NBPF12: variants seen among roughly 807,000 people sequenced by gnomAD.
The protein encoded by NBPF12 is NBPF family member NBPF12.
NBPF12 carries 115 observed loss-of-function variants against 146.4 expected under a neutral mutation model. That is an observed-to-expected ratio of 0.79 (90% CI 0.68 to 0.92). NBPF12 has a LOEUF of 0.92. Among genes scored for constraint, NBPF12 ranks in the 40% least tolerant of loss-of-function variants. The pLI, the probability that NBPF12 is intolerant of heterozygous loss-of-function variation, is 0.00. For missense variants in NBPF12, 1,205 were observed against 1,326.8 expected (o/e 0.91, Z 1.43); for synonymous variants, 385 against 508.9 (o/e 0.76, Z 3.28).
intron 4 of NBPF12, among the ~76,000 whole-genome samples, chr1:146,961,001 A>G (rs1164573162): frequency 6.6e-6 from 1 of 152,162 alleles, no homozygotes; most frequent in East Asian, 1.9e-4. Flanking sequence ...CAAAAAGTAG[A>G]TGGGCGTCGT....
chr1:146,963,813 A>G (rs1292094696), intron 6 of NBPF12, among the ~76,000 whole-genome samples: 94 of 145,680 alleles, frequency 6.5e-4, no homozygotes, highest in South Asian at 2.1e-3. Flanking sequence ...GCCCCTCTCC[A>G]TGTGGTGTTG....
intron 31 of NBPF12, among the ~76,000 whole-genome samples, 200 bp from the exon 35 acceptor site, chr1:146,992,512 G>A (rs1368744736): frequency 2.6e-5 from 3 of 114,642 alleles, no homozygotes; most frequent in Non-Finnish European, 3.5e-5. Flanking sequence ...GTGTGTGTGT[G>A]TCTATCTGTC....
intron 7 of NBPF12, 146 bp downstream of exon 10, chr1:146,964,575 G>A (rs1288048621): frequency 3.7e-6 from 5 of 1,343,430 alleles, no homozygotes; most frequent in Non-Finnish European, 4.3e-6. Flanking sequence ...TAGACACAGG[G>A]TGCGACAGCT....
chr1:146,944,690 GTCTC>G (rs1310788092), upstream of NBPF12, among the ~76,000 whole-genome samples: 1 of 151,408 alleles, frequency 6.6e-6, no homozygotes, highest in Non-Finnish European at 1.5e-5. Flanking sequence ...ACAGTAGTGC[GTCTC>G]TCTCTAATAA....
chr1:146,988,652 G>C (rs113248891), intron 26 of NBPF12, among the ~76,000 whole-genome samples, 189 bp from the exon 30 acceptor site: 18 of 151,418 alleles, frequency 1.2e-4, no homozygotes, highest in Non-Finnish European at 1.2e-4. Context: ...ATTTTACCCA[G>C]AGTTTCTGGG....
At chr1:146,956,620 C>T (rs1159959757) in intron 2 of NBPF12, among the ~76,000 whole-genome samples, 10 of 151,976 alleles carry the variant, frequency 6.6e-5, no homozygotes, top group African/African-American at 2.4e-4. Context: ...ACATGCTTAA[C>T]AACACATGCA....
rs1410023191 is a variant in NBPF12 at position 146,979,257 on chromosome 1, T to C, written c.2450+247T>C. Among the ~76,000 whole-genome samples the C allele has an allele frequency of 5.1e-5, 3 of 58,492 alleles. 1 individual carries two copies. Among genetic ancestry groups the C allele is most frequent in the Non-Finnish European group, 8.7e-5 (3 of 34,608 alleles). 38.4% of individuals were successfully genotyped at this position (58,492 alleles called of 152,430 possible). ...GCCAAACAGGGTTTTCTTGTTGATC[T>C]TTTCAAAAAACCAGCCCTGGATTCA... On this transcript the variant is annotated intron_variant, in intron 19 of 33. Transcript: ENST00000617844.
chr1:146,970,552 C>G, intron 11 of NBPF12, 95 bp from the exon 15 acceptor site: 1 of 1,466,956 alleles, frequency 6.8e-7, no homozygotes, highest in Middle Eastern at 2.4e-4. Context: ...AATGCTGAAC[C>G]ATACATAGAT....
At chr1:146,964,868 A>T in intron 7 of NBPF12, 25 bp from the exon 11 acceptor site, 2 of 1,548,008 alleles carry the variant, frequency 1.3e-6, no homozygotes, top group East Asian at 2.2e-5. Flanking sequence ...ATCTTCTGTC[A>T]TCTCTGTCCC....
At chr1:146,991,396 AGGACCT>A in intron 30 of NBPF12, 111 bp downstream of exon 33, 1 of 736,482 alleles carries the variant, frequency 1.4e-6, no homozygotes, top group Non-Finnish European at 2.4e-6. Context: ...TGCCACAGGC[AGGACCT>A]ATGGGTGCAT....
At chr1:146,975,220 C>G (rs1656906492) in intron 15 of NBPF12, among the ~76,000 whole-genome samples, 1 of 137,496 alleles carries the variant, frequency 7.3e-6, no homozygotes, top group Non-Finnish European at 1.5e-5. Context: ...CATTCTTTCA[C>G]TCAATCAATG....
intron 21 of NBPF12, 149 bp from the exon 25 acceptor site, chr1:146,984,664 A>C (rs1343636148): frequency 0.22 from 144,906 of 645,644 alleles, 21,114 homozygotes; most frequent in East Asian, 0.38. Context: ...CTAGTCTATC[A>C]CAACATAAAG....
intron 2 of NBPF12, among the ~76,000 whole-genome samples, chr1:146,954,879 A>AG (rs1231352032): frequency 8.5e-6 from 1 of 118,268 alleles, no homozygotes; most frequent in Non-Finnish European, 1.7e-5. Context: ...ATGTATACAC[A>AG]CCCACACACA....
exon 12 of NBPF12, chr1:146,970,665 A>G: frequency 2.7e-6 from 4 of 1,492,732 alleles, no homozygotes; most frequent in Non-Finnish European, 1.9e-6. Flanking sequence ...GAAGATGAGG[A>G]TGAAGATGTT....
At chr1:146,971,283 C>T in exon 13 of NBPF12, 3 of 1,612,258 alleles carry the variant, frequency 1.9e-6, no homozygotes, top group Non-Finnish European at 2.5e-6. Context: ...CTCCAACCAG[C>T]CTCACAAGAA....
At chr1:146,951,115 A>T (rs1453569362) in intron 1 of NBPF12, among the ~76,000 whole-genome samples, 1 of 151,998 alleles carries the variant, frequency 6.6e-6, no homozygotes, top group Admixed American at 6.6e-5. Flanking sequence ...CAGGCTGATG[A>T]CTTCAGGGAC....
At chr1:146,965,178 A>G (rs1382426282) in intron 8 of NBPF12, 74 bp downstream of exon 11, 6 of 869,512 alleles carry the variant, frequency 6.9e-6, no homozygotes, top group Non-Finnish European at 9.9e-6. Context: ...CAGGCTGTAT[A>G]TACACATATT....
chr1:146,960,376 G>C lies in NBPF12; in HGVS notation c.175+58G>C, dbSNP rs1655774283. On this transcript the variant is annotated intron_variant, in intron 4 of 33. Coordinates refer to ENST00000617844, the Ensembl canonical transcript of NBPF12. Reference sequence around the variant, plus strand: ...ATGAATGATGTCCTGTCTTCTCTCTGAGACACTAAATGCTCTCTCCATCAA... The same window carrying C: ...ATGAATGATGTCCTGTCTTCTCTCTCAGACACTAAATGCTCTCTCCATCAA... 4.5e-6 allele frequency: 6 copies of C among 1,338,902 alleles called. No homozygotes were observed. The Admixed American group carries it at 6.8e-5, about 15-fold the overall frequency. The allele number at this position is 1,338,902 out of a possible 1,614,324, so 82.9% of individuals were successfully genotyped here.
intron 1 of NBPF12, among the ~76,000 whole-genome samples, chr1:146,941,758 CA>C (rs1226007703): frequency 0.15 from 9,519 of 61,808 alleles, 403 homozygotes; most frequent in Middle Eastern, 0.23. Flanking sequence ...TGTCTTGTAC[CA>C]AAAAAAAAAA....
Sources: allele counts gnomAD v4.1 joint callset (sites outside exome capture counted in the v4.1 genomes callset), GRCh38; gene constraint gnomAD v4.1.1; transcripts MANE v1.5; gene names NCBI Gene and HGNC (gene_info 2026-07-23, HGNC 2026-07-21).